Variants in CACHD1 observed in about 807,000 individuals in gnomAD.
The protein encoded by CACHD1 is cache domain containing 1.
Under a neutral mutation model 138.7 loss-of-function variants are expected in CACHD1, and 71 were observed. The ratio of observed to expected loss-of-function variants is 0.51; its 90% CI spans 0.42 to 0.62. The LOEUF is 0.62. Among genes scored for constraint, CACHD1 ranks in the 20% least tolerant of loss-of-function variants. CACHD1 has a pLI of 0.00. For synonymous variants in CACHD1, 578 were observed against 591.5 expected, an observed-to-expected ratio of 0.98 and a Z score of 0.33; for missense variants, 1,389 against 1,625.3, an observed-to-expected ratio of 0.85 and a Z score of 2.50.
chr1:64,527,081 C>A (rs1250445346), intron 1 of CACHD1, among the ~76,000 whole-genome samples: 1 of 152,192 alleles, frequency 6.6e-6, no homozygotes, highest in African/African-American at 2.4e-5. Context: ...TTAAAGACAG[C>A]ATTGCTTTTT....
chr1:64,550,716 G>A (rs11808959), intron 2 of CACHD1, 60 bp downstream of exon 2: 126,108 of 1,169,246 alleles, frequency 0.11, 7,022 homozygotes, highest in African/African-American at 0.11. Context: ...ATGTGGCTTC[G>A]TCACTCTTTC....
chr1:64,562,638 G>A (rs958587580), intron 2 of CACHD1, among the ~76,000 whole-genome samples: 5 of 150,564 alleles, frequency 3.3e-5, no homozygotes, highest in Admixed American at 1.3e-4. Flanking sequence ...GACCAAGATG[G>A]TGTCGATCTC....
chr1:64,639,915 C>G (rs1648648950), intron 7 of CACHD1, among the ~76,000 whole-genome samples: 1 of 152,176 alleles, frequency 6.6e-6, no homozygotes, highest in Non-Finnish European at 1.5e-5. Flanking sequence ...GCCTATTGCC[C>G]AGAGCTGCTG....
At chr1:64,597,311 G>A (rs952285818) in intron 3 of CACHD1, among the ~76,000 whole-genome samples, 2 of 151,960 alleles carry the variant, frequency 1.3e-5, no homozygotes, top group African/African-American at 4.8e-5. Context: ...AAAAATGACT[G>A]CAGCCTGATG....
intron 1 of CACHD1, among the ~76,000 whole-genome samples, chr1:64,525,433 A>G (rs1030495825): frequency 6.6e-6 from 1 of 152,212 alleles, no homozygotes; most frequent in Non-Finnish European, 1.5e-5. Context: ...AGCAGTTCAT[A>G]TTAGATGCTC....
At position 64,672,640 on chromosome 1, in the gene CACHD1, T is replaced by C. The variant is rs531627550; in HGVS notation, c.2511-518T>C. Among the ~76,000 whole-genome samples the C allele has an allele frequency of 1.2e-3, 181 of 152,282 alleles. 1 individual carries two copies. The highest frequency in any genetic ancestry group is 4.2e-3 in the African/African-American group (175 of 41,576). On this transcript the variant is annotated intron_variant, in intron 17 of 26. Coordinates refer to ENST00000651257, the MANE Select transcript of CACHD1 (RefSeq NM_020925.4). Reference sequence around the variant, plus strand: ...TACTATCATCACTTTCAGGCATCCATTGGGGGTCTTGGAACATATCTTCCA... The same window carrying C: ...TACTATCATCACTTTCAGGCATCCACTGGGGGTCTTGGAACATATCTTCCA...
At chr1:64,605,561 T>C (rs1328764937) in intron 4 of CACHD1, among the ~76,000 whole-genome samples, 1 of 152,172 alleles carries the variant, frequency 6.6e-6, no homozygotes, top group Non-Finnish European at 1.5e-5. Flanking sequence ...ATCCTAAGTC[T>C]GGTGTTGAGA....
chr1:64,587,375 G>A (rs1460192960), intron 3 of CACHD1, among the ~76,000 whole-genome samples: 1 of 152,186 alleles, frequency 6.6e-6, no homozygotes, highest in African/African-American at 2.4e-5. Context: ...GTTCTGAAGA[G>A]AGAGGAGCTT....
chr1:64,472,574 C>T (rs1300617936), intron 1 of CACHD1, among the ~76,000 whole-genome samples: 2 of 152,148 alleles, frequency 1.3e-5, no homozygotes, highest in Non-Finnish European at 2.9e-5. Context: ...CTTTCAGGTT[C>T]AGATTCAGTT....
rs76892065 is a variant in CACHD1, at chr1:64,591,497, G to T, written c.410+9193G>T. Among the ~76,000 whole-genome samples the T allele has an allele frequency of 8.5e-3, 1,293 of 152,320 alleles. 13 individuals carry two copies. The highest frequency in any genetic ancestry group is 0.029 in the African/African-American group (1,211 of 41,580). ...TTAAACTTTGTTCAGTAGGGTTTAG[G>T]CTCCATAAGTGAAGTAAAGAACAAT... On this transcript the variant is annotated intron_variant, in intron 3 of 26. Coordinates refer to ENST00000651257, the MANE Select transcript of CACHD1 (RefSeq NM_020925.4).
At chr1:64,540,653 C>T (rs1570348231) in intron 1 of CACHD1, among the ~76,000 whole-genome samples, 1 of 152,166 alleles carries the variant, frequency 6.6e-6, no homozygotes, top group East Asian at 1.9e-4. Flanking sequence ...TACTCACCCG[C>T]TCTCCTGGTT....
In CACHD1 at chr1:64,483,876, T is replaced by C. The variant is rs374599922; in HGVS notation, c.198+12934T>C. On this transcript the variant is annotated intron_variant, in intron 1 of 26. Transcript: ENST00000651257. ...TTATCTTTTACCTTCCCCCCCCCCC[T>C]TGCATATAACTCTGTTCTTTCAGCA... Among the ~76,000 whole-genome samples the C allele has an allele frequency of 1.4e-3, 149 of 106,016 alleles. 1 individual carries two copies. Among genetic ancestry groups the C allele is most frequent in the South Asian group, 6.2e-3 (16 of 2,570 alleles). The allele number at this position is 106,016 out of a possible 152,430, so 69.6% of individuals were successfully genotyped here.
intron 1 of CACHD1, among the ~76,000 whole-genome samples, chr1:64,508,470 G>T (rs1646394020): frequency 6.6e-6 from 1 of 152,156 alleles, no homozygotes; most frequent in South Asian, 2.1e-4. Flanking sequence ...TCTTTTTTGT[G>T]TGTGTGACCT....
Position 64,691,654 on chromosome 1 carries a change from C to T in CACHD1, c.*93C>T. On this transcript the variant is annotated 3_prime_UTR_variant, in exon 27 of 27. Transcript: ENST00000651257. ...CGGCTTAAAACCCACAGCAAGAGAC[C>T]TCCCTTGTGTTTGTGCTTTGTGCAG... 2.6e-6 allele frequency: 3 copies of T among 1,133,156 alleles called. No homozygotes were observed. In the South Asian group the frequency reaches 4.1e-5, roughly 15 times the overall value. 70.2% of individuals were successfully genotyped at this position (1,133,156 alleles called of 1,614,324 possible). A position where few individuals can be genotyped will look rare whatever the true frequency, so the allele number is the denominator to read the frequency against.
chr1:64,556,454 TA>T (rs1646797635), intron 2 of CACHD1, among the ~76,000 whole-genome samples: 1 of 152,184 alleles, frequency 6.6e-6, no homozygotes, highest in Non-Finnish European at 1.5e-5. Context: ...TTCTATCCAT[TA>T]TTTCTCCTTT....
intron 1 of CACHD1, among the ~76,000 whole-genome samples, chr1:64,502,027 C>T (rs549450071): frequency 6.6e-6 from 1 of 152,328 alleles, no homozygotes; most frequent in East Asian, 1.9e-4. Flanking sequence ...TGATAGAAGA[C>T]TTAGCTTTAC....
chr1:64,515,877 G>A (rs988005881), intron 1 of CACHD1, among the ~76,000 whole-genome samples: 2 of 152,120 alleles, frequency 1.3e-5, no homozygotes, highest in Non-Finnish European at 2.9e-5. Context: ...GAAGGGCATT[G>A]ACTTGACTCC....
At chr1:64,603,099 C>CTTTTT (rs34372401) in intron 4 of CACHD1, among the ~76,000 whole-genome samples, 187 bp downstream of exon 4, 2 of 64,896 alleles carry the variant, frequency 3.1e-5, no homozygotes, top group Admixed American at 2.5e-4. Context: ...AAGCTTACAT[C>CTTTTT]TTTTTTTTTT....
chr1:64,574,519 A>G (rs559322665), intron 2 of CACHD1, among the ~76,000 whole-genome samples: 1 of 152,146 alleles, frequency 6.6e-6, no homozygotes, highest in Non-Finnish European at 1.5e-5. Context: ...CTGCTGACAC[A>G]TCTATCCTGA....
Sources: allele counts gnomAD v4.1 joint callset (sites outside exome capture counted in the v4.1 genomes callset), GRCh38; gene constraint gnomAD v4.1.1; transcripts MANE v1.5; gene names NCBI Gene and HGNC (gene_info 2026-07-23, HGNC 2026-07-21).